Variants in SPI1 observed in about 807,000 individuals in gnomAD.
SPI1 encodes the protein Spi-1 proto-oncogene.
SPI1 carries 3 observed loss-of-function variants against 30.7 expected under a neutral mutation model. That is an observed-to-expected ratio of 0.10 (90% confidence interval 0.04 to 0.25). The LOEUF (loss-of-function observed/expected upper bound fraction) is 0.25, where lower values mean the gene tolerates loss of function less well. Among genes scored for constraint, SPI1 ranks in the 10% least tolerant of loss-of-function variants. SPI1 has a pLI of 1.00. For synonymous variants in SPI1, 169 were observed against 157.1 expected (o/e 1.08, Z -0.56); for missense variants, 261 against 371.5 (o/e 0.70, Z 2.45).
intron 2 of SPI1, 53 bp from the exon 3 acceptor site, chr11:47,360,093 G>A: frequency 7.4e-7 from 1 of 1,349,842 alleles, no homozygotes; most frequent in Non-Finnish European, 1.0e-6. Flanking sequence ...GGCAGGGCAG[G>A]AAAAGGTTAT....
Position 47,378,414 on chromosome 11 carries a change from C to T in SPI1, c.-61G>A. 4 of 1,564,130 alleles carry T rather than the reference C, an allele frequency of 2.6e-6. No homozygotes were observed. The highest frequency in any genetic ancestry group is 1.2e-5 in the South Asian group (1 of 86,692). On this transcript the variant is annotated 5_prime_UTR_variant, in exon 1 of 5. Transcript: ENST00000378538. ...CGGTGGGGGCCAATGCAGAGCCCCT[C>T]AGGATGGGGTGCCCCGTCAGGGGCT...
chr11:47,356,636 A>G (rs2095910147), intron 4 of SPI1, among the ~76,000 whole-genome samples: 1 of 151,228 alleles, frequency 6.6e-6, no homozygotes, highest in Admixed American at 6.6e-5. Flanking sequence ...TGCTTGCACA[A>G]ACACACCTGC....
chr11:47,366,821 CA>C (rs903596997), intron 2 of SPI1, among the ~76,000 whole-genome samples: 1 of 45,712 alleles, frequency 2.2e-5, no homozygotes, highest in African/African-American at 6.4e-5. Flanking sequence ...AACGCTGTCT[CA>C]AAAAGAAAAG....
chr11:47,364,936 C>T (rs942300350), intron 2 of SPI1, among the ~76,000 whole-genome samples: 1 of 152,176 alleles, frequency 6.6e-6, no homozygotes, highest in Non-Finnish European at 1.5e-5. Context: ...CCTGGGGTCT[C>T]CTGAAGGCTG....
chr11:47,365,942 G>A (rs371160314), intron 2 of SPI1, among the ~76,000 whole-genome samples: 125 of 152,220 alleles, frequency 8.2e-4, no homozygotes, highest in Middle Eastern at 6.8e-3. Flanking sequence ...TGACCCACCC[G>A]CCTTGGCCTT....
intron 4 of SPI1, among the ~76,000 whole-genome samples, chr11:47,357,658 C>T (rs930756894): frequency 2.0e-5 from 3 of 152,326 alleles, no homozygotes; most frequent in Admixed American, 1.3e-4. Flanking sequence ...CTCCACCTCC[C>T]GGGTTCAAGC....
At chr11:47,367,584 G>A in intron 2 of SPI1, among the ~76,000 whole-genome samples, 1 of 146,112 alleles carries the variant, frequency 6.8e-6, no homozygotes, top group Admixed American at 6.8e-5. Flanking sequence ...ATCGTAAATA[G>A]CAAATCCCAG....
intron 2 of SPI1, among the ~76,000 whole-genome samples, chr11:47,373,079 G>A (rs776096302): frequency 3.3e-4 from 50 of 152,334 alleles, no homozygotes; most frequent in Admixed American, 5.9e-4. Context: ...CCGGCCGGGC[G>A]CAGTGGCTCA....
intron 2 of SPI1, among the ~76,000 whole-genome samples, chr11:47,371,484 T>A (rs1233852042): frequency 1.2e-5 from 1 of 86,378 alleles, no homozygotes; most frequent in Non-Finnish European, 2.4e-5. Context: ...CTGGCCAACA[T>A]GGTGAAACCC....
intron 2 of SPI1, among the ~76,000 whole-genome samples, chr11:47,367,176 TGAA>T (rs1257660581): frequency 4.6e-5 from 7 of 152,100 alleles, no homozygotes; most frequent in African/African-American, 1.7e-4. Flanking sequence ...TATGAAAGGA[TGAA>T]GAAGTATATG....
At chr11:47,378,032 C>T (rs899385747) in intron 1 of SPI1, among the ~76,000 whole-genome samples, 5 of 152,260 alleles carry the variant, frequency 3.3e-5, no homozygotes, top group Non-Finnish European at 5.9e-5. Flanking sequence ...CCAGGAGCCC[C>T]GGCCTCCGCC....
Position 47,358,684 on chromosome 11 carries a change from A to G in SPI1, c.493+160T>C, listed in dbSNP as rs753920635. ...ACAGCAGATACACACACACAGAGAC[A>G]GCCACAGACAGCCCCACAAAACACA... On this transcript the variant is annotated intron_variant, in intron 4 of 4. Transcript: ENST00000378538. 86 of 762,686 alleles carry G rather than the reference A, an allele frequency of 1.1e-4. 1 individual carries two copies. The African/African-American group carries it at 1.1e-3, about 10-fold the overall frequency. 47.2% of individuals were successfully genotyped at this position (762,686 alleles called of 1,614,324 possible).
chr11:47,364,807 G>A, intron 2 of SPI1, among the ~76,000 whole-genome samples: 1 of 152,158 alleles, frequency 6.6e-6, no homozygotes, highest in South Asian at 2.1e-4. Context: ...GGCTGGAAAA[G>A]CCTGTAAATG....
chr11:47,356,103 A>G (rs11602132), intron 4 of SPI1, among the ~76,000 whole-genome samples: 1 of 151,800 alleles, frequency 6.6e-6, no homozygotes, highest in African/African-American at 2.4e-5. Context: ...AATGCACCCA[A>G]ACGCCAGATT....
rs528011574 is a variant in SPI1 at position 47,355,080 on chromosome 11, G to C, written c.*147C>G. On this transcript the variant is annotated 3_prime_UTR_variant, in exon 5 of 5. Transcript: ENST00000378538. ...GCGGGATGTGGAGGGGGCCTGGAGT[G>C]GGGGGAGGGGGCGGGTGAGGCGAGG... 18 of 469,492 alleles carry C rather than the reference G, an allele frequency of 3.8e-5. No homozygotes were observed. The highest frequency in any genetic ancestry group is 1.7e-4 in the East Asian group (4 of 23,418). The allele number at this position is 469,492 out of a possible 1,614,324, so 29.1% of individuals were successfully genotyped here.
intron 2 of SPI1, among the ~76,000 whole-genome samples, chr11:47,362,687 T>A (rs948955520): frequency 6.7e-6 from 1 of 149,328 alleles, no homozygotes; most frequent in African/African-American, 2.5e-5. Context: ...GTGATTCTCC[T>A]GCCTCAGCCT....
chr11:47,368,860 T>C (rs2095931918), intron 2 of SPI1, among the ~76,000 whole-genome samples: 1 of 152,202 alleles, frequency 6.6e-6, no homozygotes, highest in African/African-American at 2.4e-5. Flanking sequence ...CGTGAATATA[T>C]TTAATATCAC....
In SPI1 at chr11:47,358,941, A is replaced by G; in HGVS notation, c.396T>C (p.Asp132=). 1 of 1,565,770 alleles carries G rather than the reference A, an allele frequency of 6.4e-7. No individual in the cohort carries two copies. The highest frequency in any genetic ancestry group is 8.7e-7 in the Non-Finnish European group (1 of 1,155,816). ...GGCTCTGCCGCTCGCCCTCCTCCTC[A>G]TCTGAGCTGGGCTGGGCTGGGGACA... The part of the protein sequence containing the change: ...PSLSPAQPSS[D]EEEGERQSPP... The change falls in exon 4 of 5, where the codon GAT becomes GAC. Residue 132 remains aspartate, a synonymous_variant. Coordinates refer to ENST00000378538, the MANE Select transcript of SPI1 (RefSeq NM_003120.3).
intron 2 of SPI1, among the ~76,000 whole-genome samples, chr11:47,367,100 A>G (rs541456043): frequency 5.9e-5 from 9 of 152,274 alleles, no homozygotes; most frequent in Non-Finnish European, 7.4e-5. Flanking sequence ...GATAGTTGGA[A>G]AGGTGGCTAA....
Sources: gnomAD v4.1 joint callset for allele counts (sites outside exome capture counted in the v4.1 genomes callset) on GRCh38, gnomAD v4.1.1 for gene constraint, MANE v1.5 for transcripts, NCBI Gene and HGNC (gene_info 2026-07-23, HGNC 2026-07-21) for gene names.